Variants in C14orf180 observed in about 807,000 individuals in gnomAD.
C14orf180 encodes the protein chromosome 14 open reading frame 180, also known as nutritionally-regulated adipose and cardiac enriched protein homolog.
Under a neutral mutation model 13.9 loss-of-function variants are expected in C14orf180, and 13 were observed. That is an observed-to-expected ratio of 0.94 (90% confidence interval 0.61 to 1.49). The LOEUF (loss-of-function observed/expected upper bound fraction) is 1.49. C14orf180 is among the 40% of genes most tolerant of loss of function. The probability of loss-of-function intolerance (pLI) is 0.00; values close to 1 mark genes in which losing one functional copy is unlikely to be tolerated. For synonymous variants in C14orf180, 113 were observed against 106.3 expected (o/e 1.06, Z -0.39); for missense variants, 238 against 232.0 (o/e 1.03, Z -0.17).
chr14:104,586,567 T>C, intron 2 of C14orf180, 26 bp downstream of exon 2: 1 of 1,432,882 alleles, frequency 7.0e-7, no homozygotes, highest in Non-Finnish European at 9.4e-7. Flanking sequence ...GGGACACAGC[T>C]TCTGCAAGCT....
In C14orf180 at chr14:104,588,945, G is replaced by T. The variant is rs1033612777; in HGVS notation, c.*162G>T. ...GGAAAAGGGGGACCCCGTGGCGTGA[G>T]ATCGGACATGGGGGGCACAGCAGGC... On this transcript the variant is annotated 3_prime_UTR_variant, in exon 5 of 5. Transcript: ENST00000557649. 8.6e-5 allele frequency: 119 copies of T among 1,379,464 alleles called. No individual in the cohort carries two copies. Among genetic ancestry groups the T allele is most frequent in the Non-Finnish European group, 1.0e-4 (110 of 1,069,960 alleles). The allele number at this position is 1,379,464 out of a possible 1,614,324, so 85.5% of individuals were successfully genotyped here.
Position 104,588,574 on chromosome 14 carries a change from G to T in C14orf180, c.278-4G>T, listed in dbSNP as rs573451584. On this transcript the variant is annotated splice_polypyrimidine_tract_variant and splice_region_variant and intron_variant, in intron 4 of 4. Transcript: ENST00000557649. ...CGCTGACCCTGCCTGCCCTCTGGCC[G>T]CAGTGCCCGGCCGGCCCAGGCCACA... The T allele has an allele frequency of 1.4e-6, 2 of 1,442,492 alleles. No homozygotes were observed. Among genetic ancestry groups the T allele is most frequent in the Admixed American group, 5.5e-5 (2 of 36,236 alleles). The allele number at this position is 1,442,492 out of a possible 1,614,324, so 89.4% of individuals were successfully genotyped here. A position where few individuals can be genotyped will look rare whatever the true frequency, so the allele number is the denominator to read the frequency against.
chr14:104,588,517 C>A lies in C14orf180; in HGVS notation c.278-61C>A, dbSNP rs1886717648. 3.5e-6 allele frequency: 5 copies of A among 1,439,944 alleles called. No homozygotes were observed. The East Asian group carries it at 9.9e-5, about 29-fold the overall frequency. 89.2% of individuals were successfully genotyped at this position (1,439,944 alleles called of 1,614,324 possible). A position where few individuals can be genotyped will look rare whatever the true frequency, so the allele number is the denominator to read the frequency against. ...TCTCCCCATCCCTTCCCCACCAGCC[C>A]CAGTCCTCCAGGGAAGGGTCGCGCT... On this transcript the variant is annotated intron_variant, in intron 4 of 4. Coordinates refer to ENST00000557649, the MANE Select transcript of C14orf180 (RefSeq NM_001008404.3).
rs1421024027 is a variant in C14orf180, at chr14:104,588,599, A to G, written c.299A>G (p.His100Arg). The G allele has an allele frequency of 2.0e-6, 3 of 1,467,052 alleles. No individual in the cohort carries two copies. Among genetic ancestry groups the G allele is most frequent in the East Asian group, 2.5e-5 (1 of 40,056 alleles). The allele number at this position is 1,467,052 out of a possible 1,614,324, so 90.9% of individuals were successfully genotyped here. A position where few individuals can be genotyped will look rare whatever the true frequency, so the allele number is the denominator to read the frequency against. The change falls in exon 5 of 5, where the codon CAC becomes CGC. Residue 100 changes from histidine to arginine, a missense_variant. Physicochemically the swap from His to Arg is conservative, Grantham distance 29. Transcript: ENST00000557649. ...TVRVPGRPRPHGGSLLLQLCV... is the reference protein window; with the variant it reads ...TVRVPGRPRPRGGSLLLQLCV... ...GCAGTGCCCGGCCGGCCCAGGCCAC[A>G]CGGCGGCTCCCTGCTCCTGCAGCTG... is the stretch of plus-strand genomic sequence containing the variant.
chr14:104,585,559 G>A (rs931966779), intron 1 of C14orf180, among the ~76,000 whole-genome samples: 3 of 152,186 alleles, frequency 2.0e-5, no homozygotes, highest in South Asian at 2.1e-4. Context: ...GCGAGGAGGC[G>A]CCATTCACAG....
chr14:104,585,151 C>T (rs1010195685), intron 1 of C14orf180, among the ~76,000 whole-genome samples: 1 of 152,218 alleles, frequency 6.6e-6, no homozygotes, highest in African/African-American at 2.4e-5. Flanking sequence ...AAACACCTGC[C>T]CTGTGAGGGG....
At chr14:104,584,291 G>A (rs886084669) in intron 1 of C14orf180, among the ~76,000 whole-genome samples, 40 of 152,290 alleles carry the variant, frequency 2.6e-4, no homozygotes, top group Middle Eastern at 6.8e-3. Flanking sequence ...GCCCCAGGCC[G>A]TGCAGCCCCA....
At chr14:104,585,702 C>T (rs566290843) in intron 1 of C14orf180, among the ~76,000 whole-genome samples, 4 of 121,436 alleles carry the variant, frequency 3.3e-5, no homozygotes, top group Admixed American at 2.9e-4. Context: ...TAGAGAGAGG[C>T]AGGGAGACAG....
chr14:104,582,792 C>T (rs769842699), intron 1 of C14orf180, among the ~76,000 whole-genome samples: 5 of 152,202 alleles, frequency 3.3e-5, no homozygotes, highest in South Asian at 2.1e-4. Flanking sequence ...GCGGGCCTAG[C>T]GGGACACTTA....
chr14:104,585,528 G>A (rs1441114897), intron 1 of C14orf180, among the ~76,000 whole-genome samples: 3 of 152,212 alleles, frequency 2.0e-5, no homozygotes, highest in African/African-American at 7.2e-5. Flanking sequence ...AGCCTCTGCC[G>A]CCAAAGACAC....
rs536035042 is a variant in C14orf180 at position 104,584,217 on chromosome 14, G to A, written c.-16-2198G>A. Reference sequence around the variant, plus strand: ...TCCCCATGAGGAGTGAACCTGGCTGGGCCCCCTGGAATGCTGCTGCAGGGT... The same window carrying A: ...TCCCCATGAGGAGTGAACCTGGCTGAGCCCCCTGGAATGCTGCTGCAGGGT... On this transcript the variant is annotated intron_variant, in intron 1 of 4. Coordinates refer to ENST00000557649, the MANE Select transcript of C14orf180 (RefSeq NM_001008404.3). 7.4e-4 allele frequency among the ~76,000 whole-genome samples: 113 copies of A among 152,306 alleles called. 1 individual carries two copies. Among genetic ancestry groups the A allele is most frequent in the African/African-American group, 2.6e-3 (106 of 41,562 alleles).
In C14orf180 at chr14:104,588,377, C is replaced by T. The variant is rs1596291256; in HGVS notation, c.277+68C>T. On this transcript the variant is annotated intron_variant, in intron 4 of 4. Coordinates refer to ENST00000557649, the MANE Select transcript of C14orf180 (RefSeq NM_001008404.3). Reference sequence around the variant, plus strand: ...GTGGGTGCACCCACCCTCACTCCCTCCCCGAGGGAGGTGTCACAGGGCCAG... The same window carrying T: ...GTGGGTGCACCCACCCTCACTCCCTTCCCGAGGGAGGTGTCACAGGGCCAG... 10 of 1,601,470 alleles carry T rather than the reference C, an allele frequency of 6.2e-6. No individual in the cohort carries two copies. In the East Asian group the frequency reaches 2.2e-4, roughly 36 times the overall value.
intron 3 of C14orf180, 80 bp from the exon 4 acceptor site, chr14:104,588,194 T>G: frequency 6.4e-7 from 1 of 1,552,406 alleles, no homozygotes; most frequent in South Asian, 1.1e-5. Context: ...CCTTCGGGGG[T>G]GCAGGGTGAG....
chr14:104,587,400 G>A (rs1252000397), intron 2 of C14orf180, among the ~76,000 whole-genome samples: 1 of 152,000 alleles, frequency 6.6e-6, no homozygotes, highest in African/African-American at 2.4e-5. Flanking sequence ...GAGCCCCTCT[G>A]CCATTGCAGC....
chr14:104,588,897 G>A lies in C14orf180; in HGVS notation c.*114G>A. Reference sequence around the variant, plus strand: ...TTGGTGAATCATGGGGGCCAAAAGGGGCTGCTGCCTGAGGGCTAACTAGGA... The same window carrying A: ...TTGGTGAATCATGGGGGCCAAAAGGAGCTGCTGCCTGAGGGCTAACTAGGA... On this transcript the variant is annotated 3_prime_UTR_variant, in exon 5 of 5. Coordinates refer to ENST00000557649, the MANE Select transcript of C14orf180 (RefSeq NM_001008404.3). The A allele has an allele frequency of 6.8e-7, 1 of 1,470,686 alleles. No individual in the cohort carries two copies. The allele number at this position is 1,470,686 out of a possible 1,614,324, so 91.1% of individuals were successfully genotyped here.
intron 1 of C14orf180, among the ~76,000 whole-genome samples, chr14:104,584,108 A>G (rs1184599698): frequency 6.6e-6 from 1 of 152,204 alleles, no homozygotes; most frequent in African/African-American, 2.4e-5. Flanking sequence ...GAATAGCGAG[A>G]GCTGCTGGCA....
rs1886790781 is a variant in C14orf180 at position 104,589,949 on chromosome 14, T to A, written c.*1166T>A. On this transcript the variant is annotated 3_prime_UTR_variant, in exon 5 of 5. Coordinates refer to ENST00000557649, the MANE Select transcript of C14orf180 (RefSeq NM_001008404.3). This position sits in a 1 kb window ranked among gnomAD's most constrained non-coding sequence, Gnocchi z 4.9. ...GTCCTGGGCGCCTGGAACCTCCCCA[T>A]CTCCTGCAGGCCTGGGAGTGGATGT... 6.6e-6 allele frequency: 1 copy of A among 152,084 alleles called. No homozygotes were observed. Among genetic ancestry groups the A allele is most frequent in the Admixed American group, 6.5e-5 (1 of 15,282 alleles). 9.4% of individuals were successfully genotyped at this position (152,084 alleles called of 1,614,324 possible). A position where few individuals can be genotyped will look rare whatever the true frequency, so the allele number is the denominator to read the frequency against.
chr14:104,586,048 G>T (rs1215755540), intron 1 of C14orf180, among the ~76,000 whole-genome samples: 6 of 152,348 alleles, frequency 3.9e-5, no homozygotes, highest in African/African-American at 1.2e-4. Context: ...CCTTATCCAT[G>T]ACCTCCAAAC....
At chr14:104,587,900 G>T in intron 3 of C14orf180, 22 bp downstream of exon 3, 1 of 1,592,766 alleles carries the variant, frequency 6.3e-7, no homozygotes, top group East Asian at 2.3e-5. Flanking sequence ...CCCGCAGCAA[G>T]CAGCTGGGAG....
Sources: gnomAD v4.1 joint callset for allele counts (sites outside exome capture counted in the v4.1 genomes callset) on GRCh38, gnomAD v4.1.1 for gene constraint, Gnocchi (gnomAD v3.1) non-coding constraint, MANE v1.5 for transcripts, NCBI Gene and HGNC (gene_info 2026-07-23, HGNC 2026-07-21) for gene names.